Variants in CNTNAP2 observed in about 807,000 individuals in gnomAD.
CNTNAP2 encodes the protein contactin associated protein 2, also known as contactin-associated protein-like 2.
Under a neutral mutation model 155.2 loss-of-function variants are expected in CNTNAP2, and 98 were observed. The ratio of observed to expected loss-of-function variants is 0.63; its 90% CI spans 0.54 to 0.75. The LOEUF (loss-of-function observed/expected upper bound fraction) is 0.75. Ranked by LOEUF, CNTNAP2 falls within the 30% of genes least tolerant of loss-of-function variation. CNTNAP2 has a pLI of 0.00. For missense variants in CNTNAP2, 1,727 were observed against 1,688.1 expected (o/e 1.02, Z -0.40); for synonymous variants, 651 against 631.2 (o/e 1.03, Z -0.47).
rs945364748 is a variant in CNTNAP2, at chr7:146,933,507, C to A, written c.402+93603C>A. ...ACCCTAGAAGAAAACCTAGGCATTA[C>A]CATTCAGGACATAGGCATGGGCAAG... On this transcript the variant is annotated intron_variant, in intron 3 of 23. Transcript: ENST00000361727. Among the ~76,000 whole-genome samples, 18 of 151,130 alleles carry A rather than the reference C, an allele frequency of 1.2e-4. No homozygotes were observed. The East Asian group carries it at 2.5e-3, about 21-fold the overall frequency.
chr7:146,270,145 T>A (rs1017967737), intron 1 of CNTNAP2, among the ~76,000 whole-genome samples: 1 of 152,206 alleles, frequency 6.6e-6, no homozygotes, highest in African/African-American at 2.4e-5. Flanking sequence ...ACGATGGTTA[T>A]TTTTAAATTA....
chr7:146,673,108 C>A (rs1417494895), intron 1 of CNTNAP2, among the ~76,000 whole-genome samples: 3 of 152,064 alleles, frequency 2.0e-5, no homozygotes, highest in Admixed American at 2.0e-4. Context: ...AGTTCAGAAT[C>A]ATAGATTCAT....
chr7:148,261,646 G>T (rs1796563671), intron 20 of CNTNAP2, among the ~76,000 whole-genome samples: 1 of 152,162 alleles, frequency 6.6e-6, no homozygotes, highest in African/African-American at 2.4e-5. Flanking sequence ...CGACAGGCTG[G>T]CTGCCCTCTG....
intron 1 of CNTNAP2, among the ~76,000 whole-genome samples, chr7:146,721,586 A>ATATATACATTC (rs1563203777): frequency 1.2e-5 from 1 of 83,142 alleles, no homozygotes; most frequent in African/African-American, 1.1e-4. Flanking sequence ...TATACATTCT[A>ATATATACATTC]TATATATATT....
At chr7:148,290,968 T>G (rs79619289) in intron 21 of CNTNAP2, among the ~76,000 whole-genome samples, 22,327 of 152,172 alleles carry the variant, frequency 0.15, 1,994 homozygotes, top group African/African-American at 0.24. Context: ...GAAATGGGTT[T>G]TGTGAAAGGA....
At chr7:146,290,918 T>C (rs1230365844) in intron 1 of CNTNAP2, among the ~76,000 whole-genome samples, 4 of 152,230 alleles carry the variant, frequency 2.6e-5, no homozygotes, top group Non-Finnish European at 4.4e-5. Flanking sequence ...GTAGCTGATA[T>C]GTATTGGATG....
At chr7:147,083,945 TA>T (rs1800208014) in intron 4 of CNTNAP2, among the ~76,000 whole-genome samples, 4 of 94,992 alleles carry the variant, frequency 4.2e-5, no homozygotes, top group Admixed American at 1.2e-4. Flanking sequence ...ATATATTATA[TA>T]GCATTATATA....
At chr7:148,113,737 C>T (rs1804405019) in intron 15 of CNTNAP2, among the ~76,000 whole-genome samples, 1 of 152,212 alleles carries the variant, frequency 6.6e-6, no homozygotes, top group East Asian at 1.9e-4. Flanking sequence ...CTGGCCTTGC[C>T]TAACATGCAG....
chr7:147,623,616 T>G (rs1010887366), intron 12 of CNTNAP2, among the ~76,000 whole-genome samples: 3 of 151,928 alleles, frequency 2.0e-5, no homozygotes, highest in African/African-American at 7.2e-5. Context: ...ACCAATAAGA[T>G]GAAAAGGTAT....
intron 2 of CNTNAP2, among the ~76,000 whole-genome samples, chr7:146,839,118 A>G (rs1461797825): frequency 1.3e-5 from 2 of 152,116 alleles, no homozygotes; most frequent in East Asian, 1.9e-4. Flanking sequence ...ATGACTTACA[A>G]GAGGTATTGA....
intron 21 of CNTNAP2, among the ~76,000 whole-genome samples, chr7:148,316,255 G>A (rs1797686971): frequency 6.6e-6 from 1 of 152,052 alleles, no homozygotes; most frequent in Non-Finnish European, 1.5e-5. Context: ...AAGTTAATGG[G>A]TGCAGCACAC....
chr7:147,736,721 C>T (rs1352179263), intron 13 of CNTNAP2, among the ~76,000 whole-genome samples: 1 of 152,144 alleles, frequency 6.6e-6, no homozygotes, highest in African/African-American at 2.4e-5. Flanking sequence ...TTGTTCGTTT[C>T]TTTTTATTCT....
chr7:147,018,584 A>T (rs1470215449), intron 3 of CNTNAP2, among the ~76,000 whole-genome samples: 9 of 152,094 alleles, frequency 5.9e-5, no homozygotes, highest in Non-Finnish European at 2.9e-5. Context: ...TTTGATAGAC[A>T]AACTGAAATT....
intron 1 of CNTNAP2, among the ~76,000 whole-genome samples, chr7:146,359,286 C>T (rs1795047858): frequency 6.6e-6 from 1 of 152,226 alleles, no homozygotes; most frequent in Non-Finnish European, 1.5e-5. Context: ...GCTTTCAAAA[C>T]TTTCTCTTCT....
At chr7:146,971,311 T>G (rs1797792354) in intron 3 of CNTNAP2, among the ~76,000 whole-genome samples, 2 of 152,302 alleles carry the variant, frequency 1.3e-5, no homozygotes, top group South Asian at 4.1e-4. Flanking sequence ...GCTTAATTTA[T>G]CCTAAAGCAT....
In CNTNAP2 at chr7:146,393,303, G is replaced by T. The variant is rs73738740; in HGVS notation, c.97+276330G>T. On this transcript the variant is annotated intron_variant, in intron 1 of 23. Transcript: ENST00000361727. ...TATTCACAGTTTTCACCCTGAAAGT[G>T]TATTAGGTATGACATAATAGATGCC... is the stretch of plus-strand genomic sequence containing the variant. Among the ~76,000 whole-genome samples, 140 of 152,268 alleles carry T rather than the reference G, an allele frequency of 9.2e-4. 1 individual carries two copies. Among genetic ancestry groups the T allele is most frequent in the African/African-American group, 3.1e-3 (127 of 41,554 alleles).
chr7:146,711,061 G>A (rs1318410934), intron 1 of CNTNAP2, among the ~76,000 whole-genome samples: 1 of 151,420 alleles, frequency 6.6e-6, no homozygotes, highest in Non-Finnish European at 1.5e-5. Flanking sequence ...AACACAGGTT[G>A]GCAAGATGCA....
intron 12 of CNTNAP2, among the ~76,000 whole-genome samples, chr7:147,618,114 A>C (rs560226964): frequency 1.4e-4 from 21 of 152,322 alleles, no homozygotes; most frequent in Admixed American, 1.3e-3. Flanking sequence ...AGAAATTTAA[A>C]GATATAGAAA....
chr7:146,959,385 C>A (rs1322142832), intron 3 of CNTNAP2, among the ~76,000 whole-genome samples: 1 of 152,016 alleles, frequency 6.6e-6, no homozygotes, highest in Non-Finnish European at 1.5e-5. Flanking sequence ...CTCAGATACA[C>A]AATCTAGAGT....
Sources: allele counts gnomAD v4.1 joint callset (sites outside exome capture counted in the v4.1 genomes callset), GRCh38; gene constraint gnomAD v4.1.1; transcripts MANE v1.5; gene names NCBI Gene and HGNC (gene_info 2026-07-23, HGNC 2026-07-21).